Variants in ZFYVE9 observed in about 807,000 individuals in gnomAD.
ZFYVE9 encodes zinc finger FYVE-type containing 9, also known as zinc finger FYVE domain-containing protein 9.
ZFYVE9 carries 43 observed loss-of-function variants against 126.7 expected under a neutral mutation model. The ratio of observed to expected loss-of-function variants is 0.34; its 90% CI spans 0.27 to 0.44. The LOEUF is 0.44. Ranked by LOEUF, ZFYVE9 falls within the 20% of genes least tolerant of loss-of-function variation. The pLI is 1.00. For missense variants in ZFYVE9, 1,476 were observed against 1,697.0 expected (o/e 0.87, Z 2.29); for synonymous variants, 521 against 597.4 (o/e 0.87, Z 1.87).
At chr1:52,165,751 T>C (rs943843833) in intron 1 of ZFYVE9, among the ~76,000 whole-genome samples, 1 of 151,618 alleles carries the variant, frequency 6.6e-6, no homozygotes, top group African/African-American at 2.4e-5. Context: ...AAGTTTACTA[T>C]TTCAGGTTCA....
chr1:52,156,871 C>T (rs539283161), intron 1 of ZFYVE9, among the ~76,000 whole-genome samples: 199 of 148,746 alleles, frequency 1.3e-3, no homozygotes, highest in Non-Finnish European at 2.1e-3. Flanking sequence ...GTCTCGCTGT[C>T]GCCCAGGCTG....
intron 2 of ZFYVE9, among the ~76,000 whole-genome samples, chr1:52,224,042 A>T (rs879538599): frequency 2.0e-5 from 3 of 152,004 alleles, no homozygotes; most frequent in Non-Finnish European, 4.4e-5. Flanking sequence ...TAGATTTCTA[A>T]CCTCTGAACT....
chr1:52,302,741 ACTCTGT>A (rs1295479735), intron 12 of ZFYVE9, among the ~76,000 whole-genome samples: 1 of 150,088 alleles, frequency 6.7e-6, no homozygotes, highest in Non-Finnish European at 1.5e-5. Context: ...ACAGAGCGAG[ACTCTGT>A]CTCAGGAAAA....
chr1:52,298,117 A>T (rs1283263656), intron 12 of ZFYVE9, among the ~76,000 whole-genome samples: 1 of 152,118 alleles, frequency 6.6e-6, no homozygotes, highest in Non-Finnish European at 1.5e-5. Flanking sequence ...CACTCTGTTA[A>T]TAGTTTCCTT....
chr1:52,311,204 AATG>A (rs1557514362), intron 13 of ZFYVE9, among the ~76,000 whole-genome samples: 1 of 152,126 alleles, frequency 6.6e-6, no homozygotes, highest in Non-Finnish European at 1.5e-5. Flanking sequence ...AGATCAGAAA[AATG>A]ATGAGCCATA....
intron 1 of ZFYVE9, among the ~76,000 whole-genome samples, chr1:52,157,739 C>G (rs886994813): frequency 2.0e-5 from 3 of 152,090 alleles, no homozygotes; most frequent in Non-Finnish European, 4.4e-5. Context: ...TCCACAGCTC[C>G]CTGAAAGTTA....
chr1:52,224,961 C>G (rs2124609560), intron 2 of ZFYVE9, among the ~76,000 whole-genome samples: 1 of 152,230 alleles, frequency 6.6e-6, no homozygotes, highest in East Asian at 1.9e-4. Flanking sequence ...TTAGGTTCCT[C>G]TTAGTATTGG....
intron 13 of ZFYVE9, among the ~76,000 whole-genome samples, chr1:52,331,944 A>G (rs923764315): frequency 6.6e-6 from 1 of 151,324 alleles, no homozygotes; most frequent in African/African-American, 2.4e-5. Flanking sequence ...ATGCCCAGCT[A>G]AATTTTTTTT....
chr1:52,259,776 G>A (rs1240913673), intron 4 of ZFYVE9, among the ~76,000 whole-genome samples: 4 of 152,166 alleles, frequency 2.6e-5, no homozygotes, highest in South Asian at 4.2e-4. Flanking sequence ...CAGCCTGGGC[G>A]ACACAGCAAG....
intron 7 of ZFYVE9, among the ~76,000 whole-genome samples, chr1:52,273,601 T>C (rs1348194290): frequency 6.6e-6 from 1 of 151,824 alleles, no homozygotes; most frequent in South Asian, 2.1e-4. Context: ...GAGGCCGAGG[T>C]TGGCGGATCA....
intron 4 of ZFYVE9, chr1:52,251,955 G>C (rs1183898216): frequency 6.6e-6 from 1 of 151,528 alleles, no homozygotes; most frequent in Non-Finnish European, 1.5e-5. Context: ...TTTAATCTAG[G>C]TAAGTCACAT....
chr1:52,243,366 G>A (rs1645354191), intron 4 of ZFYVE9, among the ~76,000 whole-genome samples: 1 of 152,240 alleles, frequency 6.6e-6, no homozygotes, highest in Admixed American at 6.5e-5. Flanking sequence ...AGACATCTGA[G>A]AAGTGACATA....
At chr1:52,307,988 G>A (rs930126002) in intron 13 of ZFYVE9, among the ~76,000 whole-genome samples, 11 of 152,048 alleles carry the variant, frequency 7.2e-5, no homozygotes, top group East Asian at 5.8e-4. Flanking sequence ...TCCTGACCTC[G>A]TGATCCACCC....
Position 52,147,991 on chromosome 1 carries a change from T to C in ZFYVE9, c.-143+5588T>C, listed in dbSNP as rs1644320090. On this transcript the variant is annotated intron_variant, in intron 1 of 18. Transcript: ENST00000287727. Reference sequence around the variant, plus strand: ...AGAGGCGAGGTTTCATTATGTTGGCTAGGCTGGTCTGGAGCTACTAACCTC... The same window carrying C: ...AGAGGCGAGGTTTCATTATGTTGGCCAGGCTGGTCTGGAGCTACTAACCTC... Among the ~76,000 whole-genome samples, 6 of 152,016 alleles carry C rather than the reference T, an allele frequency of 3.9e-5. No homozygotes were observed. The South Asian group carries it at 1.2e-3, about 32-fold the overall frequency.
chr1:52,160,668 C>T, intron 1 of ZFYVE9: 1 of 588,294 alleles, frequency 1.7e-6, no homozygotes, highest in Admixed American at 3.1e-5. Flanking sequence ...CCTGCGTCGG[C>T]CTCCTGCAGT....
intron 13 of ZFYVE9, among the ~76,000 whole-genome samples, chr1:52,314,091 A>G (rs908190783): frequency 7.2e-5 from 11 of 152,354 alleles, no homozygotes; most frequent in Admixed American, 5.9e-4. Context: ...AATGAAAATT[A>G]TAAACTTACA....
chr1:52,305,888 G>A (rs571991472), intron 13 of ZFYVE9, among the ~76,000 whole-genome samples: 1 of 152,308 alleles, frequency 6.6e-6, no homozygotes, highest in African/African-American at 2.4e-5. Flanking sequence ...TGACACACCA[G>A]TGCCCTGCCG....
chr1:52,301,868 TG>T (rs1377673907), intron 12 of ZFYVE9, among the ~76,000 whole-genome samples: 1 of 152,208 alleles, frequency 6.6e-6, no homozygotes, highest in African/African-American at 2.4e-5. Context: ...CAGTCTTTTT[TG>T]TCTCTTGTTT....
chr1:52,238,145 C>T lies in ZFYVE9; in HGVS notation c.728C>T (p.Pro243Leu). ...SSDSLASVCS[P>L]SQLKDDGSIG... is the part of the protein sequence containing the mutation. ...GATAGTCTAGCCAGTGTCTGTTCCC[C>T]TTCACAATTAAAGGATGACGGAAGT... is the stretch of plus-strand genomic sequence containing the variant. Residue 243 changes from proline to leucine, a missense_variant, in exon 4 of 19, where the codon CCT becomes CTT. Pro to Leu is a moderately conservative substitution (Grantham distance 98, BLOSUM62 -3). Coordinates refer to ENST00000287727, the MANE Select transcript of ZFYVE9 (RefSeq NM_004799.4). The T allele has an allele frequency of 6.2e-7, 1 of 1,614,092 alleles. No homozygotes were observed.
Sources: allele counts gnomAD v4.1 joint callset (sites outside exome capture counted in the v4.1 genomes callset), GRCh38; gene constraint gnomAD v4.1.1; transcripts MANE v1.5; gene names NCBI Gene and HGNC (gene_info 2026-07-23, HGNC 2026-07-21).